Variants in KBTBD7 observed in about 807,000 individuals in gnomAD.
KBTBD7 encodes kelch repeat and BTB domain containing 7, also known as kelch repeat and BTB domain-containing protein 7.
In KBTBD7, 25 loss-of-function variants were observed where a neutral mutation model predicts 50.3. The observed-to-expected ratio is 0.50, with a 90% CI of 0.36 to 0.69. The LOEUF (loss-of-function observed/expected upper bound fraction) is 0.69. Ranked by LOEUF, KBTBD7 falls within the 30% of genes least tolerant of loss-of-function variation. The pLI is 0.00. For synonymous variants in KBTBD7, 305 were observed against 325.3 expected (o/e 0.94, Z 0.67); for missense variants, 653 against 869.5 (o/e 0.75, Z 3.13).
In KBTBD7 at chr13:41,192,678, C is replaced by A; in HGVS notation, c.1580G>T (p.Cys527Phe). 6.2e-7 allele frequency: 1 copy of A among 1,614,108 alleles called. No individual in the cohort carries two copies. Among genetic ancestry groups the A allele is most frequent in the South Asian group, 1.1e-5 (1 of 91,078 alleles). ...CTTCATGACTGGGATGTCACAGATACAATAGATTTCATCATTGAAGACACA... is the reference window on the plus strand; with the variant it reads ...CTTCATGACTGGGATGTCACAGATAAAATAGATTTCATCATTGAAGACACA... ...EACVFNDEIYCICDIPVMKVY... is the reference protein window; with the variant it reads ...EACVFNDEIYFICDIPVMKVY... The change falls in exon 1 of 1, where the codon TGT (cysteine) becomes TTT (phenylalanine). Residue 527 changes from cysteine (C) to phenylalanine (F), a missense_variant. Cys to Phe is a radical substitution (Grantham distance 205). This residue lies in a region of KBTBD7 where 526 missense variants were observed against 717.1 expected (regional missense o/e 0.73). Transcript: ENST00000379483.
In KBTBD7 at chr13:41,193,284, T is replaced by TTGC; in HGVS notation, c.971_973dup (p.Ser324dup). ...ATTTTCTGCTGCAGATACAAGAGAG[T>TTGC]TGCTGCTGCTACTGCTGCTGCTGCT... On this transcript the variant is annotated inframe_insertion, in exon 1 of 1. Coordinates refer to ENST00000379483, the MANE Select transcript of KBTBD7 (RefSeq NM_032138.7). This position sits in a 1 kb window ranked among gnomAD's most constrained non-coding sequence, Gnocchi z 5.7. The TTGC allele has an allele frequency of 6.2e-7, 1 of 1,612,224 alleles. No individual in the cohort carries two copies. The highest frequency in any genetic ancestry group is 1.1e-5 in the South Asian group (1 of 90,988).
In KBTBD7 at chr13:41,193,557, T is replaced by C; in HGVS notation, c.701A>G (p.Glu234Gly). ...AVLRLDSLDI[E>G]SERTVCHVAV... ...TACATGGCATACAGTCCGCTCACTC[T>C]CTATGTCCAGACTATCCAGGCGTAG... Residue 234 changes from glutamate (E) to glycine (G), a missense_variant, in exon 1 of 1, where the codon GAG becomes GGG. By Grantham distance (98) the Glu-to-Gly change is moderately conservative. Coordinates refer to ENST00000379483, the MANE Select transcript of KBTBD7 (RefSeq NM_032138.7). The surrounding 1 kb of genome is among the most constrained non-coding windows in gnomAD (Gnocchi z 5.7). The C allele has an allele frequency of 6.2e-7, 1 of 1,614,220 alleles. No homozygotes were observed. The highest frequency in any genetic ancestry group is 8.5e-7 in the Non-Finnish European group (1 of 1,180,044).
Position 41,193,495 on chromosome 13 carries a change from C to A in KBTBD7, c.763G>T (p.Gly255Cys). 1.9e-6 allele frequency: 3 copies of A among 1,614,178 alleles called. No homozygotes were observed. The change falls in exon 1 of 1, where the codon GGT becomes TGT. Residue 255 changes from glycine to cysteine, a missense_variant. Gly to Cys is a radical substitution (Grantham distance 159, BLOSUM62 -3). This residue lies in a region of KBTBD7 where 526 missense variants were observed against 717.1 expected (regional missense o/e 0.73). Coordinates refer to ENST00000379483, the MANE Select transcript of KBTBD7 (RefSeq NM_032138.7). This position sits in a 1 kb window ranked among gnomAD's most constrained non-coding sequence, Gnocchi z 5.7. ...QWLEAAAKER[G>C]PSAAEVFKCV... ...TTGAAGACTTCTGCAGCACTGGGAC[C>A]CCGCTCTTTGGCAGCAGCCTCCAGC... is the stretch of plus-strand genomic sequence containing the variant.
At position 41,192,430 on chromosome 13, in the gene KBTBD7, CAG is replaced by C. The variant is rs776917750; in HGVS notation, c.1826_1827del (p.Ser609TrpfsTer15). ...ACACGAGCACAAAGGCAAATAAAGCCAGAGTCAAACTGCAAAAGGCCTAACAT... is the reference window on the plus strand; with the variant it reads ...ACACGAGCACAAAGGCAAATAAAGCCAGTCAAACTGCAAAAGGCCTAACAT... ...GTMLGLLQFDSGFICLCARVY... is the reference protein window; with the variant it reads ...GTMLGLLQFDXGFICLCARVY... On this transcript the variant is annotated frameshift_variant, in exon 1 of 1. Coordinates refer to ENST00000379483, the MANE Select transcript of KBTBD7 (RefSeq NM_032138.7). LOFTEE classifies it high-confidence loss of function. The C allele has an allele frequency of 6.2e-7, 1 of 1,614,174 alleles. No individual in the cohort carries two copies. The highest frequency in any genetic ancestry group is 1.7e-5 in the Admixed American group (1 of 60,020).
At position 41,194,046 on chromosome 13, in the gene KBTBD7, G is replaced by A. The variant is rs1299660947; in HGVS notation, c.212C>T (p.Thr71Met). Reference sequence around the variant, plus strand: ...ACCCGTGCCAGGCCCGCTGCCAGGCGTCACCACCTCGATGGTCACATCACA... The same window carrying A: ...ACCCGTGCCAGGCCCGCTGCCAGGCATCACCACCTCGATGGTCACATCACA... Reference protein sequence around the residue: ...LLCDVTIEVVTPGSGPGTGRL... With the variant: ...LLCDVTIEVVMPGSGPGTGRL... Residue 71 changes from threonine (T) to methionine (M), a missense_variant, in exon 1 of 1, where the codon ACG becomes ATG. Thr to Met is a moderately conservative substitution (Grantham distance 81). This residue lies in a region of KBTBD7 where 119 missense variants were observed against 125.0 expected (regional missense o/e 0.95). Transcript: ENST00000379483. The A allele has an allele frequency of 6.2e-7, 1 of 1,614,066 alleles. No individual in the cohort carries two copies. The highest frequency in any genetic ancestry group is 8.5e-7 in the Non-Finnish European group (1 of 1,180,046).
In KBTBD7 at chr13:41,194,251, A is replaced by T. The variant is rs781539031; in HGVS notation, c.7T>A (p.Ser3Thr). 1.9e-6 allele frequency: 3 copies of T among 1,613,432 alleles called. No homozygotes were observed. The highest frequency in any genetic ancestry group is 2.5e-6 in the Non-Finnish European group (3 of 1,179,654). The stretch of plus-strand genomic sequence containing the variant: ...CGAGAGCGCGGGACGTCTTCCCGGG[A>T]CTGCATGGTGGAGATGGCGACGGGC... Reference protein sequence around the residue: MQSREDVPRSRRL... With the variant: MQTREDVPRSRRL... The change falls in exon 1 of 1, where the codon TCC becomes ACC. Residue 3 changes from serine (S) to threonine (T), a missense_variant. Coordinates refer to ENST00000379483, the MANE Select transcript of KBTBD7 (RefSeq NM_032138.7).
chr13:41,193,201 T>C lies in KBTBD7; in HGVS notation c.1057A>G (p.Arg353Gly). Residue 353 changes from arginine (R) to glycine (G), a missense_variant, in exon 1 of 1, where the codon AGA becomes GGA. Transcript: ENST00000379483. The surrounding 1 kb of genome is among the most constrained non-coding windows in gnomAD (Gnocchi z 5.7). ...KEMVIFFGHP[R>G]DPFLCYDPYS... ...GGGTCATAGCAGAGAAAGGGATCTC[T>C]AGGATGTCCAAAGAAGATCACCATC... 1 of 1,613,910 alleles carries C rather than the reference T, an allele frequency of 6.2e-7. No individual in the cohort carries two copies. Among genetic ancestry groups the C allele is most frequent in the South Asian group, 1.1e-5 (1 of 91,074 alleles).
chr13:41,193,446 G>A lies in KBTBD7; in HGVS notation c.812C>T (p.Thr271Ile), dbSNP rs761053453. 7.4e-6 allele frequency: 12 copies of A among 1,613,884 alleles called. No homozygotes were observed. In the Admixed American group the frequency reaches 1.7e-4, roughly 22 times the overall value. The change falls in exon 1 of 1, where the codon ACT becomes ATT. Residue 271 changes from threonine to isoleucine, a missense_variant. By Grantham distance (89) the Thr-to-Ile change is moderately conservative (BLOSUM62 -1). This residue lies in a region of KBTBD7 where 526 missense variants were observed against 717.1 expected (regional missense o/e 0.73). Transcript: ENST00000379483. This position sits in a 1 kb window ranked among gnomAD's most constrained non-coding sequence, Gnocchi z 5.7. ...TTCTAAGTAGTCCTGATCTTCTTCA[G>A]TGAAGTGCATCCAGCGCACGCACTT... ...VFKCVRWMHF[T>I]EEDQDYLEGL... is the part of the protein sequence containing the mutation.
In KBTBD7 at chr13:41,194,309, C is replaced by T; in HGVS notation, c.-52G>A. Reference sequence around the variant, plus strand: ...GCGAGAAAGGCTGCAGGACCAGGCTCTGGCTCCTCCTCAACCTTCCCTCGC... The same window carrying T: ...GCGAGAAAGGCTGCAGGACCAGGCTTTGGCTCCTCCTCAACCTTCCCTCGC... On this transcript the variant is annotated 5_prime_UTR_variant, in exon 1 of 1. Transcript: ENST00000379483. 1 of 1,582,498 alleles carries T rather than the reference C, an allele frequency of 6.3e-7. No individual in the cohort carries two copies. Among genetic ancestry groups the T allele is most frequent in the Non-Finnish European group, 8.6e-7 (1 of 1,164,326 alleles).
In KBTBD7 at chr13:41,194,247, C is replaced by A; in HGVS notation, c.11G>T (p.Arg4Leu). The change falls in exon 1 of 1, where the codon CGG (arginine) becomes CTG (leucine). Residue 4 changes from arginine to leucine, a missense_variant. Arg to Leu is a moderately radical substitution (Grantham distance 102). Coordinates refer to ENST00000379483, the MANE Select transcript of KBTBD7 (RefSeq NM_032138.7). MQS[R>L]EDVPRSRRLA... ...GCGGCGAGAGCGCGGGACGTCTTCC[C>A]GGGACTGCATGGTGGAGATGGCGAC... 1 of 1,613,818 alleles carries A rather than the reference C, an allele frequency of 6.2e-7. No individual in the cohort carries two copies. Among genetic ancestry groups the A allele is most frequent in the Admixed American group, 1.7e-5 (1 of 60,008 alleles).
chr13:41,190,232 T>C lies in KBTBD7; in HGVS notation c.*1971A>G, dbSNP rs1249269994. On this transcript the variant is annotated 3_prime_UTR_variant, in exon 1 of 1. Coordinates refer to ENST00000379483, the MANE Select transcript of KBTBD7 (RefSeq NM_032138.7). ...AGCTTTGTATTAAGTGCAGTACTTA[T>C]AACATCCCTGATGTCAAATGTACAA... is the stretch of plus-strand genomic sequence containing the variant. 4 of 152,230 alleles carry C rather than the reference T, an allele frequency of 2.6e-5. No individual in the cohort carries two copies. Among genetic ancestry groups the C allele is most frequent in the Non-Finnish European group, 5.9e-5 (4 of 68,020 alleles). The allele number at this position is 152,230 out of a possible 1,614,324, so 9.4% of individuals were successfully genotyped here.
In KBTBD7 at chr13:41,194,313, C is replaced by T; in HGVS notation, c.-56G>A. On this transcript the variant is annotated 5_prime_UTR_variant, in exon 1 of 1. Transcript: ENST00000379483. The stretch of plus-strand genomic sequence containing the variant: ...GAAAGGCTGCAGGACCAGGCTCTGG[C>T]TCCTCCTCAACCTTCCCTCGCTGAC... 6.3e-7 allele frequency: 1 copy of T among 1,580,020 alleles called. No individual in the cohort carries two copies. The highest frequency in any genetic ancestry group is 8.6e-7 in the Non-Finnish European group (1 of 1,163,018).
rs2031478113 is a variant in KBTBD7, at chr13:41,194,293, G to GC, written c.-37dup. 1.2e-6 allele frequency: 2 copies of GC among 1,601,698 alleles called. No homozygotes were observed. Among genetic ancestry groups the GC allele is most frequent in the South Asian group, 2.2e-5 (2 of 89,866 alleles). On this transcript the variant is annotated 5_prime_UTR_variant, in exon 1 of 1. Coordinates refer to ENST00000379483, the MANE Select transcript of KBTBD7 (RefSeq NM_032138.7). ...GCGACGGGCGCTGACGGCGAGAAAG[G>GC]CTGCAGGACCAGGCTCTGGCTCCTC... is the stretch of plus-strand genomic sequence containing the variant.
chr13:41,191,557 T>C lies in KBTBD7; in HGVS notation c.*646A>G, dbSNP rs962800152. On this transcript the variant is annotated 3_prime_UTR_variant, in exon 1 of 1. Coordinates refer to ENST00000379483, the MANE Select transcript of KBTBD7 (RefSeq NM_032138.7). ...CAGTGGAATCCTGATTTTTTCTTTT[T>C]TTTTTTTTTTTTTTTTACTTTCTGT... The C allele has an allele frequency of 2.1e-3, 305 of 146,838 alleles. 2 individuals carry two copies. Among genetic ancestry groups the C allele is most frequent in the African/African-American group, 6.2e-3 (245 of 39,202 alleles). The allele number at this position is 146,838 out of a possible 1,614,324, so 9.1% of individuals were successfully genotyped here.
Position 41,190,745 on chromosome 13 carries a change from A to G in KBTBD7, c.*1458T>C, listed in dbSNP as rs757194261. ...ATTTTAGTTTTGTGCAATGTAGTCT[A>G]TATTTGTGGACTTCCCCTTACATAT... is the stretch of plus-strand genomic sequence containing the variant. On this transcript the variant is annotated 3_prime_UTR_variant, in exon 1 of 1. Transcript: ENST00000379483. 5 of 152,194 alleles carry G rather than the reference A, an allele frequency of 3.3e-5. No homozygotes were observed. The highest frequency in any genetic ancestry group is 1.3e-4 in the Admixed American group (2 of 15,276). The allele number at this position is 152,194 out of a possible 1,614,324, so 9.4% of individuals were successfully genotyped here.
Position 41,193,759 on chromosome 13 carries a change from G to T in KBTBD7, c.499C>A (p.Arg167Ser). The change falls in exon 1 of 1, where the codon CGT becomes AGT. Residue 167 changes from arginine to serine, a missense_variant. Around this residue, in one of 3 missense-constraint regions of KBTBD7, gnomAD observed 526 missense variants for 717.1 expected, o/e 0.73. Transcript: ENST00000379483. The surrounding 1 kb of genome is among the most constrained non-coding windows in gnomAD (Gnocchi z 5.7). ...GCGGTGCAGTTGGTCAGGTCAAGAC[G>T]TCGGGCTAAGAAGGAGGCACAGGCT... ...REACASFLAR[R>S]LDLTNCTAIL... 1 of 1,614,234 alleles carries T rather than the reference G, an allele frequency of 6.2e-7. No homozygotes were observed. The highest frequency in any genetic ancestry group is 1.3e-5 in the African/African-American group (1 of 75,070).
Position 41,191,230 on chromosome 13 carries a change from C to T in KBTBD7, c.*973G>A, listed in dbSNP as rs796856485. 1 of 152,092 alleles carries T rather than the reference C, an allele frequency of 6.6e-6. No individual in the cohort carries two copies. Among genetic ancestry groups the T allele is most frequent in the African/African-American group, 2.4e-5 (1 of 41,422 alleles). The allele number at this position is 152,092 out of a possible 1,614,324, so 9.4% of individuals were successfully genotyped here. A position where few individuals can be genotyped will look rare whatever the true frequency, so the allele number is the denominator to read the frequency against. On this transcript the variant is annotated 3_prime_UTR_variant, in exon 1 of 1. Transcript: ENST00000379483. ...TAGGACAAACACCAAACCTACACAG[C>T]CAAAATATTTTAGGGAGGCAAGTAA...
rs1431563381 is a variant in KBTBD7, at chr13:41,193,318, C to A, written c.940G>T (p.Val314Leu). 6.2e-7 allele frequency: 1 copy of A among 1,612,026 alleles called. No homozygotes were observed. Among genetic ancestry groups the A allele is most frequent in the South Asian group, 1.1e-5 (1 of 90,996 alleles). ...GDLLYKSLVP[V>L]PNSSSSSSSS... ...CTACTGCTGCTGCTGCTGTTTGGCA[C>A]TGGCACCAGAGACTTGTACAACAGG... The change falls in exon 1 of 1, where the codon GTG (valine) becomes TTG (leucine). Residue 314 changes from valine (V) to leucine (L), a missense_variant. Transcript: ENST00000379483. This position sits in a 1 kb window ranked among gnomAD's most constrained non-coding sequence, Gnocchi z 5.7.
Position 41,192,780 on chromosome 13 carries a change from C to G in KBTBD7, c.1478G>C (p.Arg493Pro). The G allele has an allele frequency of 6.2e-7, 1 of 1,614,136 alleles. No individual in the cohort carries two copies. The highest frequency in any genetic ancestry group is 8.5e-7 in the Non-Finnish European group (1 of 1,180,028). Residue 493 changes from arginine to proline, a missense_variant, in exon 1 of 1, where the codon CGC (arginine) becomes CCC (proline). By Grantham distance (103) the Arg-to-Pro change is moderately radical (BLOSUM62 -2). Transcript: ENST00000379483. ...QNYLYAVNSK[R>P]MLCYDPSHNM... is the part of the protein sequence containing the mutation. ...GTGGCTAGGATCATAGCAAAGCATG[C>G]GCTTACTGTTGACAGCATAAAGATA...
Sources: allele counts gnomAD v4.1 joint callset, GRCh38; gene constraint gnomAD v4.1.1; regional missense constraint gnomAD v4.1.1; non-coding constraint Gnocchi (gnomAD v3.1); transcripts MANE v1.5; gene names NCBI Gene and HGNC (gene_info 2026-07-23, HGNC 2026-07-21).